ARMC9: variants seen among roughly 807,000 people sequenced by gnomAD.
ARMC9 encodes the protein lisH domain-containing protein ARMC9.
Under a neutral mutation model 107.0 loss-of-function variants are expected in ARMC9, and 94 were observed. That is an observed-to-expected ratio of 0.88 (90% CI 0.74 to 1.04). The LOEUF is 1.04. Among genes scored for constraint, ARMC9 ranks in the 50% least tolerant of loss-of-function variants. The pLI, the probability that ARMC9 is intolerant of heterozygous loss-of-function variation, is 0.00. For synonymous variants in ARMC9, 380 were observed against 396.9 expected (o/e 0.96, Z 0.51); for missense variants, 942 against 1,030.1 (o/e 0.91, Z 1.17).
chr2:231,208,032 T>G, intron 2 of ARMC9, 95 bp from the exon 3 acceptor site: 2 of 629,498 alleles, frequency 3.2e-6, no homozygotes, highest in Non-Finnish European at 5.5e-6. Context: ...TTTTAATGTC[T>G]TCTTTGGATA....
At position 231,375,895 on chromosome 2, in the gene ARMC9, G is replaced by A. The variant is rs776017784; in HGVS notation, c.*4360G>A. On this transcript the variant is annotated 3_prime_UTR_variant, in exon 25 of 25. Coordinates refer to ENST00000611582, the MANE Select transcript of ARMC9 (RefSeq NM_001352754.2). The surrounding 1 kb of genome is among the most constrained non-coding windows in gnomAD (Gnocchi z 4.3). ...TGTGGGAAGTCAGGGACCCCAAACGGAGGGACTGGCTGAAGCCATGACAGA... is the reference window on the plus strand; with the variant it reads ...TGTGGGAAGTCAGGGACCCCAAACGAAGGGACTGGCTGAAGCCATGACAGA... 6.6e-6 allele frequency among the ~76,000 whole-genome samples: 1 copy of A among 152,222 alleles called. No individual in the cohort carries two copies. Among genetic ancestry groups the A allele is most frequent in the Non-Finnish European group, 1.5e-5 (1 of 68,046 alleles).
chr2:231,369,274 GCTTT>G (rs564526825), intron 23 of ARMC9, among the ~76,000 whole-genome samples: 28 of 149,760 alleles, frequency 1.9e-4, no homozygotes, highest in African/African-American at 6.4e-4. Context: ...TTCCTCCTGT[GCTTT>G]CTTTTTTTTC....
chr2:231,359,118 C>T (rs968789310), intron 22 of ARMC9, among the ~76,000 whole-genome samples: 3 of 137,992 alleles, frequency 2.2e-5, no homozygotes, highest in Admixed American at 7.1e-5. Context: ...TGGAGTCTCG[C>T]TCTCTCACCC....
chr2:231,226,650 C>T (rs2034669057), intron 6 of ARMC9, 124 bp from the exon 7 acceptor site: 1 of 1,171,348 alleles, frequency 8.5e-7, no homozygotes, highest in African/African-American at 1.5e-5. Flanking sequence ...GGAGCTGGCC[C>T]TCCCGGCTCC....
intron 24 of ARMC9, 48 bp downstream of exon 24, chr2:231,370,173 A>G (rs556636841): frequency 4.1e-5 from 60 of 1,463,406 alleles, no homozygotes; most frequent in Non-Finnish European, 5.1e-5. Context: ...CCACCCGCCA[A>G]CCTGCAGGGA....
At chr2:231,279,750 T>C (rs538889800) in intron 16 of ARMC9, among the ~76,000 whole-genome samples, 1 of 152,104 alleles carries the variant, frequency 6.6e-6, no homozygotes, top group African/African-American at 2.4e-5. Context: ...GACCTTGTGA[T>C]TCACCCACCT....
At chr2:231,278,484 G>C (rs747503730) in intron 16 of ARMC9, 26 bp downstream of exon 16, 1 of 1,610,334 alleles carries the variant, frequency 6.2e-7, no homozygotes, top group East Asian at 2.2e-5. Flanking sequence ...TGCTGGCCCT[G>C]GGCTCGGGGA....
intron 18 of ARMC9, chr2:231,295,306 GCATT>G (rs1559420645): frequency 6.6e-6 from 1 of 152,480 alleles, no homozygotes; most frequent in East Asian, 1.9e-4. Flanking sequence ...GAGTCAGTAA[GCATT>G]CATTCATTAG....
At chr2:231,344,674 A>C (rs2044708993) in intron 20 of ARMC9, among the ~76,000 whole-genome samples, 1 of 152,088 alleles carries the variant, frequency 6.6e-6, no homozygotes, top group Non-Finnish European at 1.5e-5. Flanking sequence ...ATTTTTACAA[A>C]CCCAGTCCTT....
At chr2:231,271,389 AT>A (rs2039318264) in intron 13 of ARMC9, among the ~76,000 whole-genome samples, 1 of 152,196 alleles carries the variant, frequency 6.6e-6, no homozygotes, top group Admixed American at 6.5e-5. Context: ...ATCTTCTATA[AT>A]TTTCTACTTA....
At chr2:231,276,293 C>CA (rs2039744136) in intron 14 of ARMC9, among the ~76,000 whole-genome samples, 1 of 148,876 alleles carries the variant, frequency 6.7e-6, no homozygotes, top group Non-Finnish European at 1.5e-5. Context: ...TTTTTTGAGA[C>CA]AGAGTCTTGC....
At chr2:231,322,498 C>A (rs923336087) in intron 19 of ARMC9, among the ~76,000 whole-genome samples, 1 of 152,218 alleles carries the variant, frequency 6.6e-6, no homozygotes, top group Non-Finnish European at 1.5e-5. Flanking sequence ...GCTCTGCATT[C>A]TATCTGTAAG....
At chr2:231,328,804 C>CTTTTGTTTTTTTTTTTTTTT (rs1294809680) in intron 19 of ARMC9, among the ~76,000 whole-genome samples, 1 of 118,662 alleles carries the variant, frequency 8.4e-6, no homozygotes, top group African/African-American at 3.0e-5. Flanking sequence ...GTTCAATTTT[C>CTTTTGTTTTTTTTTTTTTTT]TTTTCTTTTC....
rs566039405 is a variant in ARMC9 at position 231,297,658 on chromosome 2, C to G, written c.1773+1405C>G. 3.9e-5 allele frequency among the ~76,000 whole-genome samples: 6 copies of G among 152,314 alleles called. No homozygotes were observed. Among genetic ancestry groups the G allele is most frequent in the Middle Eastern group, 3.4e-3 (1 of 294 alleles). On this transcript the variant is annotated intron_variant, in intron 19 of 24. Transcript: ENST00000611582. This position sits in a 1 kb window ranked among gnomAD's most constrained non-coding sequence, Gnocchi z 4.2. ...TTAAAAACACAAAAATCATTCTTAG[C>G]TGGCGAGCATAGGAAAGCAGGCACC...
rs2035972781 is a variant in ARMC9 at position 231,238,394 on chromosome 2, A to G, written c.781-1549A>G. On this transcript the variant is annotated intron_variant, in intron 8 of 24. Coordinates refer to ENST00000611582, the MANE Select transcript of ARMC9 (RefSeq NM_001352754.2). ...GAGACAGGGTCTCACTCTGTTGTCT[A>G]GCTGGAGTGCAGTGGTGCAATCTCA... Among the ~76,000 whole-genome samples, 3 of 152,220 alleles carry G rather than the reference A, an allele frequency of 2.0e-5. No homozygotes were observed. In the South Asian group the frequency reaches 6.2e-4, roughly 32 times the overall value.
intron 19 of ARMC9, among the ~76,000 whole-genome samples, chr2:231,313,803 G>A (rs2042496222): frequency 6.6e-6 from 1 of 151,796 alleles, no homozygotes; most frequent in South Asian, 2.1e-4. Context: ...CACGCAGGCT[G>A]GAGTGCAGGG....
At chr2:231,315,902 C>G (rs949156185) in intron 19 of ARMC9, among the ~76,000 whole-genome samples, 1 of 152,154 alleles carries the variant, frequency 6.6e-6, no homozygotes, top group Non-Finnish European at 1.5e-5. Context: ...TTTAATAACT[C>G]TACTAACTTT....
intron 16 of ARMC9, 151 bp downstream of exon 16, chr2:231,278,609 C>T: frequency 1.5e-6 from 1 of 661,912 alleles, no homozygotes. Context: ...TCATAAGCAA[C>T]TGGAAATCTT....
intron 19 of ARMC9, among the ~76,000 whole-genome samples, chr2:231,306,427 G>A (rs2042037738): frequency 6.6e-6 from 1 of 152,088 alleles, no homozygotes; most frequent in Admixed American, 6.5e-5. Context: ...AAATTCAAAT[G>A]TGAATCATTT....
Sources: gnomAD v4.1 joint callset for allele counts (sites outside exome capture counted in the v4.1 genomes callset) on GRCh38, gnomAD v4.1.1 for gene constraint, Gnocchi (gnomAD v3.1) non-coding constraint, MANE v1.5 for transcripts, NCBI Gene and HGNC (gene_info 2026-07-23, HGNC 2026-07-21) for gene names.